The following MED27 variants were observed in gnomAD, a reference collection of about 807,000 sequenced individuals.
The protein encoded by MED27 is mediator complex subunit 27, also known as mediator of RNA polymerase II transcription subunit 27.
Under a neutral mutation model 38.2 loss-of-function variants are expected in MED27, and 30 were observed. The ratio of observed to expected loss-of-function variants is 0.79; its 90% CI spans 0.59 to 1.07. The LOEUF (loss-of-function observed/expected upper bound fraction) is 1.07, where lower values mean the gene tolerates loss of function less well. Ranked by LOEUF, MED27 falls within the 50% of genes least tolerant of loss-of-function variation. MED27 has a pLI of 0.00. For missense variants in MED27, 289 were observed against 397.5 expected (o/e 0.73, Z 2.32); for synonymous variants, 122 against 153.5 (o/e 0.79, Z 1.52).
chr9:131,890,478 C>G (rs1208792265), intron 5 of MED27, among the ~76,000 whole-genome samples: 2 of 152,210 alleles, frequency 1.3e-5, no homozygotes, highest in African/African-American at 4.8e-5. Context: ...GGCCTGAGGT[C>G]TCCCTTTACT....
At chr9:131,925,997 G>C (rs1004432747) in intron 4 of MED27, among the ~76,000 whole-genome samples, 2 of 152,254 alleles carry the variant, frequency 1.3e-5, no homozygotes, top group Non-Finnish European at 2.9e-5. Context: ...ACTAAGCAGG[G>C]AGCCCTCCTC....
intron 6 of MED27, among the ~76,000 whole-genome samples, chr9:131,867,943 C>G (rs1030004748): frequency 6.6e-6 from 1 of 152,124 alleles, no homozygotes; most frequent in African/African-American, 2.4e-5. Context: ...ATATCCCAGG[C>G]ACTACAGGAG....
chr9:132,079,548 G>A (rs2131179075), intron 1 of MED27, 94 bp downstream of exon 1: 4 of 1,175,542 alleles, frequency 3.4e-6, no homozygotes, highest in Non-Finnish European at 5.0e-6. Flanking sequence ...AAGGGAAACG[G>A]AGAACAGCCC....
At chr9:131,901,824 C>G (rs1275090962) in intron 4 of MED27, among the ~76,000 whole-genome samples, 1 of 152,200 alleles carries the variant, frequency 6.6e-6, no homozygotes, top group Non-Finnish European at 1.5e-5. Flanking sequence ...ACAGGGCAGG[C>G]AACTTTCTCC....
intron 2 of MED27, among the ~76,000 whole-genome samples, chr9:132,017,754 C>T (rs1041027568): frequency 6.6e-6 from 1 of 152,154 alleles, no homozygotes; most frequent in African/African-American, 2.4e-5. Flanking sequence ...TTTCCACTTT[C>T]TATTTTCTAT....
intron 2 of MED27, among the ~76,000 whole-genome samples, chr9:132,042,451 G>A (rs1393223917): frequency 6.7e-6 from 1 of 148,170 alleles, no homozygotes; most frequent in Non-Finnish European, 1.5e-5. Context: ...GTGCCAAGAG[G>A]TATGAGACTT....
At position 132,040,763 on chromosome 9, in the gene MED27, G is replaced by T. The variant is rs181694718; in HGVS notation, c.349-26296C>A. ...CGCCCTGTGCACGTGCACACACACC[G>T]CACACTCAAGCACCAGCACACACGG... On this transcript the variant is annotated intron_variant, in intron 2 of 7. Transcript: ENST00000292035. Among the ~76,000 whole-genome samples, 144 of 152,226 alleles carry T rather than the reference G, an allele frequency of 9.5e-4. 1 individual carries two copies. Among genetic ancestry groups the T allele is most frequent in the Non-Finnish European group, 1.9e-3 (126 of 68,008 alleles).
In MED27 at chr9:132,040,603, C is replaced by T. The variant is rs930820100; in HGVS notation, c.349-26136G>A. On this transcript the variant is annotated intron_variant, in intron 2 of 7. Coordinates refer to ENST00000292035, the MANE Select transcript of MED27 (RefSeq NM_004269.4). ...ATGTTTACTTTTAGCTGGGAGCAGA[C>T]GGCAGAGCTTAACTACACCCAGACC... 5.3e-5 allele frequency among the ~76,000 whole-genome samples: 8 copies of T among 152,214 alleles called. No individual in the cohort carries two copies. In the South Asian group the frequency reaches 8.3e-4, roughly 16 times the overall value.
chr9:131,907,975 T>C (rs1386051902), intron 4 of MED27, among the ~76,000 whole-genome samples: 1 of 149,590 alleles, frequency 6.7e-6, no homozygotes, highest in Non-Finnish European at 1.5e-5. Flanking sequence ...GGAGACCCTC[T>C]GCCTGGCAAC....
intron 3 of MED27, among the ~76,000 whole-genome samples, chr9:131,986,070 A>C (rs1831842240): frequency 6.6e-6 from 1 of 152,228 alleles, no homozygotes. Flanking sequence ...ATTTGTTTTA[A>C]GGTAAACGTC....
chr9:131,886,972 CT>C (rs1839151547), intron 5 of MED27, among the ~76,000 whole-genome samples: 1 of 152,282 alleles, frequency 6.6e-6, no homozygotes, highest in South Asian at 2.1e-4. Context: ...GATGTCTGAA[CT>C]TGGAACTAAT....
At chr9:131,924,721 T>A (rs1830451806) in intron 4 of MED27, among the ~76,000 whole-genome samples, 1 of 152,128 alleles carries the variant, frequency 6.6e-6, no homozygotes, top group Non-Finnish European at 1.5e-5. Context: ...ATGATACAGG[T>A]TTTAGGGTAT....
At chr9:131,866,169 CTTTA>C (rs1210894751) in intron 6 of MED27, among the ~76,000 whole-genome samples, 1 of 152,210 alleles carries the variant, frequency 6.6e-6, no homozygotes, top group Admixed American at 6.5e-5. Flanking sequence ...GCTTCCTGAT[CTTTA>C]TTTGAGCTCA....
intron 2 of MED27, among the ~76,000 whole-genome samples, chr9:132,040,286 T>C (rs1334956144): frequency 6.6e-6 from 1 of 152,142 alleles, no homozygotes; most frequent in East Asian, 1.9e-4. Flanking sequence ...AAAAAGCAAA[T>C]GCCATCACCT....
chr9:131,910,381 G>A (rs1830165660), intron 4 of MED27, among the ~76,000 whole-genome samples: 1 of 152,168 alleles, frequency 6.6e-6, no homozygotes, highest in Admixed American at 6.5e-5. Context: ...CAGGTTGTAA[G>A]AGAATATAAA....
chr9:132,039,365 C>T (rs1236984153), intron 2 of MED27, among the ~76,000 whole-genome samples: 4 of 152,170 alleles, frequency 2.6e-5, no homozygotes, highest in Non-Finnish European at 4.4e-5. Flanking sequence ...CAAGTGAGAA[C>T]GATAATAATA....
At chr9:131,986,475 C>A (rs1012843226) in intron 3 of MED27, among the ~76,000 whole-genome samples, 1 of 152,138 alleles carries the variant, frequency 6.6e-6, no homozygotes, top group Non-Finnish European at 1.5e-5. Context: ...AGCCACTGCA[C>A]ACAGCTCCAT....
intron 4 of MED27, among the ~76,000 whole-genome samples, chr9:131,930,374 G>T (rs1014618768): frequency 8.6e-5 from 13 of 152,030 alleles, no homozygotes; most frequent in Non-Finnish European, 1.5e-4. Context: ...CAACAGAAAA[G>T]AAACAAATAA....
At chr9:131,996,257 CCTTGCT>C (rs1371975837) in intron 3 of MED27, among the ~76,000 whole-genome samples, 3 of 152,152 alleles carry the variant, frequency 2.0e-5, no homozygotes, top group African/African-American at 7.2e-5. Context: ...CTGGATACTC[CCTTGCT>C]CGATTTTGAC....
Sources: gnomAD v4.1 joint callset for allele counts (sites outside exome capture counted in the v4.1 genomes callset) on GRCh38, gnomAD v4.1.1 for gene constraint, MANE v1.5 for transcripts, NCBI Gene and HGNC (gene_info 2026-07-23, HGNC 2026-07-21) for gene names.